Variants in WNK2 observed in about 807,000 individuals in gnomAD.
WNK2 encodes the protein WNK lysine deficient protein kinase 2, also known as serine/threonine-protein kinase WNK2.
A neutral mutation model predicts 192.1 loss-of-function variants in WNK2; 67 were observed. The observed-to-expected ratio is 0.35, with a 90% CI of 0.29 to 0.43. WNK2 has a LOEUF of 0.43. WNK2 is among the 20% of genes least tolerant of loss of function. The pLI, the probability that WNK2 is intolerant of heterozygous loss-of-function variation, is 1.00. For missense variants in WNK2, 2,698 were observed against 3,089.7 expected, an observed-to-expected ratio of 0.87 and a Z score of 3.01; for synonymous variants, 1,439 against 1,393.9, an observed-to-expected ratio of 1.03 and a Z score of -0.72.
At position 93,317,617 on chromosome 9, in the gene WNK2, C is replaced by T; in HGVS notation, c.6614C>T (p.Ser2205Phe). 1.2e-6 allele frequency: 2 copies of T among 1,613,096 alleles called. No homozygotes were observed. Among genetic ancestry groups the T allele is most frequent in the South Asian group, 2.2e-5 (2 of 91,074 alleles). Reference sequence around the variant, plus strand: ...ATTCCCGGAGCCGCCCCGACCCTGTCCGTGCCCACACCAGGTACTGCCCTC... The same window carrying T: ...ATTCCCGGAGCCGCCCCGACCCTGTTCGTGCCCACACCAGGTACTGCCCTC... ...TVIPGAAPTL[S>F]VPTPDPESEK... The change falls in exon 29 of 30, where the codon TCC becomes TTC. Residue 2205 changes from serine (S) to phenylalanine (F), a missense_variant. Physicochemically the swap from Ser to Phe is radical, Grantham distance 155 (BLOSUM62 -2). Transcript: ENST00000427277.
At chr9:93,293,225 C>T (rs1849661600) in intron 23 of WNK2, 52 bp downstream of exon 23, 1 of 1,397,898 alleles carries the variant, frequency 7.2e-7, no homozygotes, top group Admixed American at 3.3e-5. Context: ...CATGGCACCC[C>T]TTCCCAGTTG....
At position 93,239,148 on chromosome 9, in the gene WNK2, C is replaced by T. The variant is rs1840313867; in HGVS notation, c.1323-609C>T. Reference sequence around the variant, plus strand: ...CCCGAAGTGGTCACCATGGCAACACCCTGTGGCCCGCCCTCCCGGATCCCT... The same window carrying T: ...CCCGAAGTGGTCACCATGGCAACACTCTGTGGCCCGCCCTCCCGGATCCCT... On this transcript the variant is annotated intron_variant, in intron 6 of 29. Coordinates refer to ENST00000427277, the MANE Select transcript of WNK2 (RefSeq NM_006648.4). This position sits in a 1 kb window ranked among gnomAD's most constrained non-coding sequence, Gnocchi z 4.2. Among the ~76,000 whole-genome samples, 1 of 152,212 alleles carries T rather than the reference C, an allele frequency of 6.6e-6. No individual in the cohort carries two copies. Among genetic ancestry groups the T allele is most frequent in the African/African-American group, 2.4e-5 (1 of 41,444 alleles).
chr9:93,218,942 A>G (rs756062406), intron 2 of WNK2, among the ~76,000 whole-genome samples: 1 of 152,150 alleles, frequency 6.6e-6, no homozygotes, highest in Non-Finnish European at 1.5e-5. Context: ...CTCAGGACTC[A>G]TGCAGGGCCA....
intron 2 of WNK2, among the ~76,000 whole-genome samples, chr9:93,204,830 G>T (rs185579305): frequency 8.5e-5 from 13 of 152,292 alleles, no homozygotes; most frequent in Admixed American, 2.0e-4. Flanking sequence ...GGGGTATGGG[G>T]ACCCCAAGCT....
At chr9:93,307,010 C>T (rs190924538) in intron 27 of WNK2, 189 bp downstream of exon 27, 11 of 670,056 alleles carry the variant, frequency 1.6e-5, no homozygotes, top group East Asian at 5.2e-5. Context: ...TCGGCTCCCC[C>T]GTGTGTCTCG....
chr9:93,242,514 C>A (rs1012007554), intron 7 of WNK2, among the ~76,000 whole-genome samples: 2 of 152,376 alleles, frequency 1.3e-5, no homozygotes, highest in East Asian at 3.9e-4. Context: ...ACTTCAGGTG[C>A]ACCATTTCTC....
At chr9:93,198,592 A>G (rs1831719273) in intron 2 of WNK2, among the ~76,000 whole-genome samples, 2 of 152,240 alleles carry the variant, frequency 1.3e-5, no homozygotes, top group South Asian at 4.1e-4. Flanking sequence ...CCTGGGGAAG[A>G]TGACATGATG....
At chr9:93,205,594 C>G (rs1438228431) in intron 2 of WNK2, among the ~76,000 whole-genome samples, 1 of 152,274 alleles carries the variant, frequency 6.6e-6, no homozygotes, top group Admixed American at 6.5e-5. Flanking sequence ...GCCTGGTCTC[C>G]ATAGCAACAG....
At chr9:93,224,538 C>T (rs1418650989) in intron 2 of WNK2, among the ~76,000 whole-genome samples, 1 of 152,182 alleles carries the variant, frequency 6.6e-6, no homozygotes, top group Non-Finnish European at 1.5e-5. Flanking sequence ...TCGTGCAGCC[C>T]TTGAGGGGCT....
Position 93,247,433 on chromosome 9 carries a change from C to G in WNK2, c.1543-110C>G, listed in dbSNP as rs1403909298. The G allele has an allele frequency of 4.8e-6, 6 of 1,261,372 alleles. No homozygotes were observed. The highest frequency in any genetic ancestry group is 6.7e-6 in the Non-Finnish European group (6 of 900,508). 78.1% of individuals were successfully genotyped at this position (1,261,372 alleles called of 1,614,324 possible). The stretch of plus-strand genomic sequence containing the variant: ...TTTACATTCAGTGGCAGTGGGATGG[C>G]GAGCGTGTCCTGCGTGGATGAGCCA... On this transcript the variant is annotated intron_variant, in intron 7 of 29. Transcript: ENST00000427277. This position sits in a 1 kb window ranked among gnomAD's most constrained non-coding sequence, Gnocchi z 5.2.
At chr9:93,267,535 G>T (rs1398840757) in intron 16 of WNK2, among the ~76,000 whole-genome samples, 1 of 152,204 alleles carries the variant, frequency 6.6e-6, no homozygotes, top group Non-Finnish European at 1.5e-5. Context: ...TTGGAGGAGG[G>T]AGTTGCTTCT....
chr9:93,288,964 A>G lies in WNK2; in HGVS notation c.4210A>G (p.Ser1404Gly). The change falls in exon 20 of 30, where the codon AGC becomes GGC. Residue 1404 changes from serine (S) to glycine (G), a missense_variant. Transcript: ENST00000427277. ...CCAAGATGGAGCAGCTCCAGCCACC[A>G]GCACCATGCCAGAGCCAGCGTCAGG... ...LPQDGAAPATSTMPEPASGTA... is the reference protein window; with the variant it reads ...LPQDGAAPATGTMPEPASGTA... 7 of 1,605,284 alleles carry G rather than the reference A, an allele frequency of 4.4e-6. No homozygotes were observed. The highest frequency in any genetic ancestry group is 6.0e-6 in the Non-Finnish European group (7 of 1,176,228).
At chr9:93,243,127 G>A (rs2132364621) in intron 7 of WNK2, among the ~76,000 whole-genome samples, 1 of 152,302 alleles carries the variant, frequency 6.6e-6, no homozygotes, top group Non-Finnish European at 1.5e-5. Flanking sequence ...CAGTGTTGCT[G>A]CCTCCACCAG....
Position 93,185,017 on chromosome 9 carries a change from C to G in WNK2, c.88C>G (p.Arg30Gly), listed in dbSNP as rs1296892635. The change falls in exon 2 of 30, where the codon CGG becomes GGG. Residue 30 changes from arginine (R) to glycine (G), a missense_variant. Coordinates refer to ENST00000427277, the MANE Select transcript of WNK2 (RefSeq NM_006648.4). ...GGGGCCCGCGGGCATGGCGGAGCCTCGGGCGAAGGCGGCGCGGCCGGGGCC... is the reference window on the plus strand; with the variant it reads ...GGGGCCCGCGGGCATGGCGGAGCCTGGGGCGAAGGCGGCGCGGCCGGGGCC... ...GAGPAGMAEP[R>G]AKAARPGPQR... 1.6e-6 allele frequency: 2 copies of G among 1,249,800 alleles called. No individual in the cohort carries two copies. Among genetic ancestry groups the G allele is most frequent in the Admixed American group, 8.5e-5 (2 of 23,490 alleles). 77.4% of individuals were successfully genotyped at this position (1,249,800 alleles called of 1,614,324 possible).
rs1452257770 is a variant in WNK2, at chr9:93,239,854, A to G, written c.1420A>G (p.Ile474Val). The change falls in exon 7 of 30, where the codon ATC (isoleucine) becomes GTC (valine). Residue 474 changes from isoleucine to valine, a missense_variant. Coordinates refer to ENST00000427277, the MANE Select transcript of WNK2 (RefSeq NM_006648.4). This position sits in a 1 kb window ranked among gnomAD's most constrained non-coding sequence, Gnocchi z 4.2. The part of the protein sequence containing the change: ...AEEDHGRKST[I>V]ALRLWVEDPK... The stretch of plus-strand genomic sequence containing the variant: ...GGAGGACCACGGCAGGAAGTCCACC[A>G]TCGCCCTGAGGCTCTGGGTGGAAGA... 5 of 1,600,940 alleles carry G rather than the reference A, an allele frequency of 3.1e-6. No homozygotes were observed. Among genetic ancestry groups the G allele is most frequent in the African/African-American group, 2.7e-5 (2 of 74,696 alleles).
chr9:93,273,762 AAACTT>A (rs1178564524), intron 19 of WNK2, among the ~76,000 whole-genome samples: 1 of 152,266 alleles, frequency 6.6e-6, no homozygotes, highest in Admixed American at 6.5e-5. Context: ...TTATAAAACA[AAACTT>A]AACAAATTTA....
chr9:93,319,268 C>T, intron 29 of WNK2: 1 of 1,527,530 alleles, frequency 6.5e-7, no homozygotes, highest in Non-Finnish European at 8.8e-7. Context: ...AGCAACCAGC[C>T]TCCTAGGGAG....
At chr9:93,265,924 T>TA (rs1449184332) in intron 16 of WNK2, among the ~76,000 whole-genome samples, 15 of 152,246 alleles carry the variant, frequency 9.9e-5, no homozygotes, top group Non-Finnish European at 2.2e-4. Flanking sequence ...GTGTGCTTTG[T>TA]AAAAATAGCA....
Position 93,259,204 on chromosome 9 carries a change from C to G in WNK2, c.2656C>G (p.Leu886Val). ...IVPNAPATIP[L>V]LAVAPPGVAA... ...GCCAAATGCACCGGCCACTATCCCC[C>G]TGCTGGCCGTAGCCCCACCGGGCGT... Residue 886 changes from leucine (L) to valine (V), a missense_variant, in exon 12 of 30, where the codon CTG becomes GTG. This residue lies in a region of WNK2 where 893 missense variants were observed against 909.0 expected (regional missense o/e 0.98). Coordinates refer to ENST00000427277, the MANE Select transcript of WNK2 (RefSeq NM_006648.4). This position sits in a 1 kb window ranked among gnomAD's most constrained non-coding sequence, Gnocchi z 4.8. 2 of 1,613,154 alleles carry G rather than the reference C, an allele frequency of 1.2e-6. No homozygotes were observed. Among genetic ancestry groups the G allele is most frequent in the Non-Finnish European group, 1.7e-6 (2 of 1,179,772 alleles).
Sources: gnomAD v4.1 joint callset for allele counts (sites outside exome capture counted in the v4.1 genomes callset) on GRCh38, gnomAD v4.1.1 for gene constraint, gnomAD v4.1.1 regional missense constraint, Gnocchi (gnomAD v3.1) non-coding constraint, MANE v1.5 for transcripts, NCBI Gene and HGNC (gene_info 2026-07-23, HGNC 2026-07-21) for gene names.